Variants in BRD3 observed in about 807,000 individuals in gnomAD.
BRD3 encodes bromodomain containing 3.
In BRD3, 17 loss-of-function variants were observed where a neutral mutation model predicts 66.8. The ratio of observed to expected loss-of-function variants is 0.25; its 90% CI spans 0.17 to 0.38. The LOEUF is 0.38. Among genes scored for constraint, BRD3 ranks in the 10% least tolerant of loss-of-function variants. The probability of loss-of-function intolerance (pLI) is 1.00; values close to 1 mark genes in which losing one functional copy is unlikely to be tolerated. For synonymous variants in BRD3, 421 were observed against 393.2 expected (o/e 1.07, Z -0.84); for missense variants, 713 against 956.1 (o/e 0.75, Z 3.35).
chr9:134,049,294 A>G (rs1830242322), intron 5 of BRD3, among the ~76,000 whole-genome samples: 1 of 152,194 alleles, frequency 6.6e-6, no homozygotes, highest in African/African-American at 2.4e-5. Flanking sequence ...GCCAGGGCTC[A>G]GTGTGCACCC....
intron 7 of BRD3, among the ~76,000 whole-genome samples, chr9:134,042,564 G>A (rs574477208): frequency 1.3e-5 from 2 of 151,986 alleles, no homozygotes; most frequent in Non-Finnish European, 2.9e-5. Flanking sequence ...TTGAACCCAG[G>A]AGGTCGAGGC....
intron 8 of BRD3, among the ~76,000 whole-genome samples, chr9:134,040,553 G>A (rs1336618598): frequency 6.6e-6 from 1 of 152,238 alleles, no homozygotes; most frequent in Non-Finnish European, 1.5e-5. Flanking sequence ...GGTGAGGGCA[G>A]CTAACTTTTT....
At chr9:134,064,990 C>T (rs1301011522) in intron 1 of BRD3, among the ~76,000 whole-genome samples, 1 of 152,274 alleles carries the variant, frequency 6.6e-6, no homozygotes, top group Non-Finnish European at 1.5e-5. Flanking sequence ...TCTGCTCCAA[C>T]AAGGGGGCGG....
At chr9:134,066,690 C>T (rs1830665435) in intron 1 of BRD3, among the ~76,000 whole-genome samples, 1 of 152,228 alleles carries the variant, frequency 6.6e-6, no homozygotes, top group African/African-American at 2.4e-5. Context: ...GGACGGGACA[C>T]ACGAAGCTGC....
In BRD3 at chr9:134,033,648, G is replaced by T; in HGVS notation, c.2123C>A (p.Ser708Tyr). 1 of 770,786 alleles carries T rather than the reference G, an allele frequency of 1.3e-6. No homozygotes were observed. 47.7% of individuals were successfully genotyped at this position (770,786 alleles called of 1,614,324 possible). Residue 708 changes from serine to tyrosine, a missense_variant, in exon 12 of 12, where the codon TCC becomes TAC. Around this residue, in one of 5 missense-constraint regions of BRD3, gnomAD observed 42 missense variants for 29.2 expected, o/e 1.44. Transcript: ENST00000303407. The surrounding 1 kb of genome is among the most constrained non-coding windows in gnomAD (Gnocchi z 5.1). ...GPSRLSSSSSSESGSSSSSGS... is the reference protein window; with the variant it reads ...GPSRLSSSSSYESGSSSSSGS... The stretch of plus-strand genomic sequence containing the variant: ...GCTGGAGCTGCTGCTCCCAGACTCG[G>T]AGGAGCTGCTGCTGCTGAGCCTGGA...
At chr9:134,055,057 C>CGT (rs1359233844) in intron 1 of BRD3, among the ~76,000 whole-genome samples, 20 of 148,514 alleles carry the variant, frequency 1.3e-4, no homozygotes, top group African/African-American at 5.0e-4. Context: ...GGTGCCTCTC[C>CGT]ACCTCACCGA....
chr9:134,062,176 G>A (rs1001902852), intron 1 of BRD3, among the ~76,000 whole-genome samples: 1 of 152,134 alleles, frequency 6.6e-6, no homozygotes, highest in African/African-American at 2.4e-5. Flanking sequence ...AAGCAGGCAC[G>A]GCCAGCCCTG....
At chr9:134,052,731 G>A (rs974837594) in intron 2 of BRD3, among the ~76,000 whole-genome samples, 5 of 152,212 alleles carry the variant, frequency 3.3e-5, no homozygotes, top group African/African-American at 1.2e-4. Context: ...AAACCTTCCA[G>A]GGACCAAACC....
At position 134,031,792 on chromosome 9, in the gene BRD3, G is replaced by A. The variant is rs531574762; in HGVS notation, c.*1798C>T. 59 of 219,068 alleles carry A rather than the reference G, an allele frequency of 2.7e-4. No individual in the cohort carries two copies. The highest frequency in any genetic ancestry group is 1.2e-3 in the African/African-American group (54 of 44,508). 13.6% of individuals were successfully genotyped at this position (219,068 alleles called of 1,614,324 possible). On this transcript the variant is annotated 3_prime_UTR_variant, in exon 12 of 12. Transcript: ENST00000303407. ...CTATATCCATCCAGAAATGCTGGCAGAAAGCACTGGCCACCATACAGGACA... is the reference window on the plus strand; with the variant it reads ...CTATATCCATCCAGAAATGCTGGCAAAAAGCACTGGCCACCATACAGGACA...
chr9:134,050,497 A>G lies in BRD3; in HGVS notation c.591T>C (p.Ala197=), dbSNP rs1830268450. The G allele has an allele frequency of 2.5e-6, 4 of 1,608,830 alleles. No homozygotes were observed. In the East Asian group the frequency reaches 8.9e-5, roughly 36 times the overall value. The change falls in exon 5 of 12, where the codon GCT becomes GCC. Residue 197 remains alanine (A), a synonymous_variant. Coordinates refer to ENST00000303407, the MANE Select transcript of BRD3 (RefSeq NM_007371.4). ...PPTVSQTPVI[A]ATPVPTITAN... ...CAGTGATGGTTGGTACAGGGGTGGC[A>G]GCGATGACGGGCGTCTGGGAGACGG...
intron 7 of BRD3, among the ~76,000 whole-genome samples, chr9:134,043,770 A>C (rs1830109879): frequency 6.6e-6 from 1 of 152,198 alleles, no homozygotes; most frequent in African/African-American, 2.4e-5. Context: ...AGCTCACTGC[A>C]GTCTCCAACG....
rs201883959 is a variant in BRD3 at position 134,048,413 on chromosome 9, C to G, written c.756G>C (p.Thr252=). 6.3e-7 allele frequency: 1 copy of G among 1,598,588 alleles called. No homozygotes were observed. The highest frequency in any genetic ancestry group is 8.5e-7 in the Non-Finnish European group (1 of 1,179,894). ...VKRKADTTTP[T]TSAITASRSE... ...TCCGGCTGGCAGTGATGGCCGACGT[C>G]GTGGGAGTGGTTGTGTCTGCTTTCC... is the stretch of plus-strand genomic sequence containing the variant. The change falls in exon 6 of 12, where the codon ACG becomes ACC. Residue 252 remains threonine, a synonymous_variant. Transcript: ENST00000303407.
intron 1 of BRD3, chr9:134,058,833 A>T (rs1323069717): frequency 6.6e-6 from 1 of 152,310 alleles, no homozygotes; most frequent in Non-Finnish European, 1.5e-5. Context: ...ACCAAGAGGG[A>T]GGGTGGGCGG....
Position 134,030,811 on chromosome 9 carries a change from C to T in BRD3, c.*2779G>A, listed in dbSNP as rs951957660. 5.6e-5 allele frequency: 13 copies of T among 232,348 alleles called. No homozygotes were observed. Among genetic ancestry groups the T allele is most frequent in the Non-Finnish European group, 9.4e-5 (11 of 117,576 alleles). The allele number at this position is 232,348 out of a possible 1,614,324, so 14.4% of individuals were successfully genotyped here. ...AGGGGTCTGGAGTTCAGTTCACGCC[C>T]GAAGCCTGCCCCCTCGGCCTCCAGG... On this transcript the variant is annotated 3_prime_UTR_variant, in exon 12 of 12. Transcript: ENST00000303407.
intron 7 of BRD3, among the ~76,000 whole-genome samples, chr9:134,043,792 G>A (rs908105584): frequency 1.3e-5 from 2 of 152,218 alleles, no homozygotes; most frequent in Non-Finnish European, 2.9e-5. Context: ...CCGGGCTCAG[G>A]TGATCCTCCC....
intron 7 of BRD3, among the ~76,000 whole-genome samples, chr9:134,043,718 A>C (rs1234555050): frequency 6.6e-6 from 1 of 151,820 alleles, no homozygotes; most frequent in Non-Finnish European, 1.5e-5. Flanking sequence ...CATCAGCCTC[A>C]GGGTCTCCTC....
intron 1 of BRD3, among the ~76,000 whole-genome samples, chr9:134,066,884 G>T (rs997697223): frequency 6.6e-6 from 1 of 152,192 alleles, no homozygotes. Flanking sequence ...TCGAACGGAG[G>T]AACCCACACG....
intron 1 of BRD3, among the ~76,000 whole-genome samples, chr9:134,059,379 G>A (rs888724313): frequency 6.6e-6 from 1 of 152,206 alleles, no homozygotes; most frequent in Non-Finnish European, 1.5e-5. Context: ...ATAAGCCGAC[G>A]GGACTCCTGT....
intron 9 of BRD3, 112 bp downstream of exon 9, chr9:134,039,922 G>C (rs2132391736): frequency 2.0e-6 from 3 of 1,471,772 alleles, no homozygotes; most frequent in Non-Finnish European, 1.8e-6. Flanking sequence ...CCATCACCCT[G>C]GTTTCCAGGT....
Sources: gnomAD v4.1 joint callset for allele counts (sites outside exome capture counted in the v4.1 genomes callset) on GRCh38, gnomAD v4.1.1 for gene constraint, gnomAD v4.1.1 regional missense constraint, Gnocchi (gnomAD v3.1) non-coding constraint, MANE v1.5 for transcripts, NCBI Gene and HGNC (gene_info 2026-07-23, HGNC 2026-07-21) for gene names.